Variants in ITIH1 observed in about 807,000 individuals in gnomAD.
ITIH1 encodes the protein inter-alpha-trypsin inhibitor heavy chain 1, also known as inter-alpha-trypsin inhibitor heavy chain H1.
In ITIH1, 94 loss-of-function variants were observed where a neutral mutation model predicts 104.6. The observed-to-expected ratio is 0.90, with a 90% CI of 0.76 to 1.07. The LOEUF is 1.07. ITIH1 is among the 50% of genes least tolerant of loss of function. ITIH1 has a pLI of 0.00. For missense variants in ITIH1, 1,193 were observed against 1,181.4 expected (o/e 1.01, Z -0.14); for synonymous variants, 455 against 464.4 (o/e 0.98, Z 0.26).
At chr3:52,781,089 T>C (rs1699020558) in intron 6 of ITIH1, among the ~76,000 whole-genome samples, 1 of 152,234 alleles carries the variant, frequency 6.6e-6, no homozygotes, top group African/African-American at 2.4e-5. Context: ...TTGCTTTCTG[T>C]GGGGGAACAA....
intron 6 of ITIH1, 36 bp from the exon 7 acceptor site, chr3:52,781,904 C>A: frequency 6.2e-7 from 1 of 1,611,558 alleles, no homozygotes; most frequent in Admixed American, 1.7e-5. Context: ...TGTGGTTACA[C>A]AGACCAGTAA....
At chr3:52,791,740 A>G (rs751581915) in intron 21 of ITIH1, 42 bp from the exon 22 acceptor site, 1 of 1,606,362 alleles carries the variant, frequency 6.2e-7, no homozygotes. Flanking sequence ...GTGCTGCCCT[A>G]CTGGTCCGAA....
At chr3:52,785,919 T>C (rs1699184739) in intron 12 of ITIH1, among the ~76,000 whole-genome samples, 2 of 152,200 alleles carry the variant, frequency 1.3e-5, no homozygotes, top group Admixed American at 6.5e-5. Flanking sequence ...CCCCGGTTAA[T>C]GTAGCTGGAT....
chr3:52,781,201 TTTTTTTTTTCTTC>T (rs1211646134), intron 6 of ITIH1, among the ~76,000 whole-genome samples: 1,168 of 70,148 alleles, frequency 0.017, 49 homozygotes, highest in African/African-American at 0.03. Flanking sequence ...CCTCTTCTTT[TTTTTTTTTTCTTC>T]TTCTTCTTCT....
Position 52,779,822 on chromosome 3 carries a change from G to C in ITIH1, c.573+228G>C. On this transcript the variant is annotated intron_variant, in intron 5 of 21. Coordinates refer to ENST00000273283, the MANE Select transcript of ITIH1 (RefSeq NM_002215.4). The surrounding 1 kb of genome is among the most constrained non-coding windows in gnomAD (Gnocchi z 4.4). The stretch of plus-strand genomic sequence containing the variant: ...CGGTTTGCTCATCTGCTAGACGGGG[G>C]GTTTCTGTGAGTCCCAGGACCGCCA... 1 of 1,202,808 alleles carries C rather than the reference G, an allele frequency of 8.3e-7. No homozygotes were observed. Among genetic ancestry groups the C allele is most frequent in the Non-Finnish European group, 1.1e-6 (1 of 891,054 alleles). The allele number at this position is 1,202,808 out of a possible 1,614,324, so 74.5% of individuals were successfully genotyped here.
Position 52,779,350 on chromosome 3 carries a change from T to C in ITIH1, c.411-82T>C. ...ACACTCATCTAAGAGAAATAAATTC[T>C]GTGGGCCACATGTTAGGTGACAAGG... On this transcript the variant is annotated intron_variant, in intron 4 of 21. Transcript: ENST00000273283. The surrounding 1 kb of genome is among the most constrained non-coding windows in gnomAD (Gnocchi z 4.4). The C allele has an allele frequency of 4.2e-6, 6 of 1,416,148 alleles. No homozygotes were observed. Among genetic ancestry groups the C allele is most frequent in the Non-Finnish European group, 6.0e-6 (6 of 1,002,012 alleles). 87.7% of individuals were successfully genotyped at this position (1,416,148 alleles called of 1,614,324 possible). A position where few individuals can be genotyped will look rare whatever the true frequency, so the allele number is the denominator to read the frequency against.
chr3:52,782,924 CCTGT>C, intron 8 of ITIH1, 29 bp from the exon 9 acceptor site: 1 of 1,610,874 alleles, frequency 6.2e-7, no homozygotes, highest in Non-Finnish European at 8.5e-7. Flanking sequence ...ACCCTGGGGC[CCTGT>C]CTGTCTACTG....
At chr3:52,783,748 A>G (rs983876299) in intron 10 of ITIH1, among the ~76,000 whole-genome samples, 7 of 152,096 alleles carry the variant, frequency 4.6e-5, no homozygotes, top group African/African-American at 1.7e-4. Flanking sequence ...CAGATCCAGG[A>G]GTAGATACTG....
In ITIH1 at chr3:52,785,154, C is replaced by G. The variant is rs746978182; in HGVS notation, c.1518C>G (p.Gly506=). The G allele has an allele frequency of 1.2e-6, 2 of 1,614,152 alleles. No homozygotes were observed. The highest frequency in any genetic ancestry group is 1.7e-6 in the Non-Finnish European group (2 of 1,180,002). The part of the protein sequence containing the change: ...TQNHHKQYYE[G]SEIVVAGRIA... ...ACCACCATAAACAGTACTACGAAGG[C>G]TCAGAGATTGTGGTGGCCGGGCGCA... The change falls in exon 12 of 22, where the codon GGC becomes GGG. Residue 506 remains glycine (G), a synonymous_variant. Coordinates refer to ENST00000273283, the MANE Select transcript of ITIH1 (RefSeq NM_002215.4).
intron 1 of ITIH1, 84 bp downstream of exon 1, chr3:52,777,816 G>A (rs1167234384): frequency 7.2e-7 from 1 of 1,390,234 alleles, no homozygotes; most frequent in Non-Finnish European, 1.0e-6. Context: ...CCATTCAAGG[G>A]GCCAGGGTCA....
Position 52,778,388 on chromosome 3 carries a change from A to G in ITIH1, c.187A>G (p.Thr63Ala), listed in dbSNP as rs1578726973. The G allele has an allele frequency of 6.2e-7, 1 of 1,614,182 alleles. No individual in the cohort carries two copies. Among genetic ancestry groups the G allele is most frequent in the African/African-American group, 1.3e-5 (1 of 75,050 alleles). ...GAGTTTGAAAGTCAACTGCAAAGTCACCTCTCGCTTCGCCCACTATGTTGT... is the reference window on the plus strand; with the variant it reads ...GAGTTTGAAAGTCAACTGCAAAGTCGCCTCTCGCTTCGCCCACTATGTTGT... ...IRSLKVNCKV[T>A]SRFAHYVVTS... Residue 63 changes from threonine (T) to alanine (A), a missense_variant, in exon 3 of 22, where the codon ACC (threonine) becomes GCC (alanine). By Grantham distance (58) the Thr-to-Ala change is moderately conservative. Transcript: ENST00000273283.
chr3:52,790,445 G>A (rs986095956), intron 19 of ITIH1: 7 of 351,178 alleles, frequency 2.0e-5, no homozygotes, highest in African/African-American at 1.3e-4. Context: ...TGGCTCCACT[G>A]CTTACCAGCT....
chr3:52,782,192 C>T lies in ITIH1; in HGVS notation c.855C>T (p.Asn285=), dbSNP rs752783786. 46 of 1,614,176 alleles carry T rather than the reference C, an allele frequency of 2.8e-5. No homozygotes were observed. Among genetic ancestry groups the T allele is most frequent in the Non-Finnish European group, 3.6e-5 (43 of 1,180,040 alleles). The change falls in exon 8 of 22, where the codon AAC becomes AAT. Residue 285 remains asparagine (N), a synonymous_variant. Coordinates refer to ENST00000273283, the MANE Select transcript of ITIH1 (RefSeq NM_002215.4). ...TTGCCCACTTCTTTGCCCCCCAAAA[C>T]CTGACAAACATGAACAAGAACGTGG... is the stretch of plus-strand genomic sequence containing the variant. ...NHFAHFFAPQ[N]LTNMNKNVVF...
Position 52,779,736 on chromosome 3 carries a change from T to C in ITIH1, c.573+142T>C. On this transcript the variant is annotated intron_variant, in intron 5 of 21. Transcript: ENST00000273283. This position sits in a 1 kb window ranked among gnomAD's most constrained non-coding sequence, Gnocchi z 4.4. ...ACTAACCCCTCAGGGTGAGCTCTGATGTGCTCTTCTTGGGCAGGGAACTCC... is the reference window on the plus strand; with the variant it reads ...ACTAACCCCTCAGGGTGAGCTCTGACGTGCTCTTCTTGGGCAGGGAACTCC... 9.0e-7 allele frequency: 1 copy of C among 1,109,282 alleles called. No homozygotes were observed. Among genetic ancestry groups the C allele is most frequent in the Non-Finnish European group, 1.3e-6 (1 of 746,248 alleles). 68.7% of individuals were successfully genotyped at this position (1,109,282 alleles called of 1,614,324 possible).
chr3:52,779,115 C>A lies in ITIH1; in HGVS notation c.410+69C>A. On this transcript the variant is annotated intron_variant, in intron 4 of 21. Transcript: ENST00000273283. The surrounding 1 kb of genome is among the most constrained non-coding windows in gnomAD (Gnocchi z 4.4). ...CCAGCCAGGACAGGTCTGATGGCTG[C>A]AAGGTGGCTTTAGTGGAGAACAGCC... 2 of 1,143,184 alleles carry A rather than the reference C, an allele frequency of 1.7e-6. No individual in the cohort carries two copies. The highest frequency in any genetic ancestry group is 2.7e-6 in the Non-Finnish European group (2 of 752,618). 70.8% of individuals were successfully genotyped at this position (1,143,184 alleles called of 1,614,324 possible).
rs539756368 is a variant in ITIH1 at position 52,785,951 on chromosome 3, C to T, written c.1594-344C>T. 5.3e-5 allele frequency among the ~76,000 whole-genome samples: 8 copies of T among 152,278 alleles called. No individual in the cohort carries two copies. In the East Asian group the frequency reaches 7.7e-4, roughly 15 times the overall value. ...GGATGGAGGAGGCACATTTGTGTGCCGTGGCAAGTTGAATGGTGCAGCCCA... is the reference window on the plus strand; with the variant it reads ...GGATGGAGGAGGCACATTTGTGTGCTGTGGCAAGTTGAATGGTGCAGCCCA... On this transcript the variant is annotated intron_variant, in intron 12 of 21. Coordinates refer to ENST00000273283, the MANE Select transcript of ITIH1 (RefSeq NM_002215.4).
chr3:52,778,312 G>T, intron 2 of ITIH1, 28 bp from the exon 3 acceptor site: 1 of 1,611,832 alleles, frequency 6.2e-7, no homozygotes, highest in Non-Finnish European at 8.5e-7. Context: ...CCTGTCTCAG[G>T]CCACAGCTCC....
intron 6 of ITIH1, among the ~76,000 whole-genome samples, chr3:52,781,392 T>G (rs779245256): frequency 6.6e-6 from 1 of 151,954 alleles, no homozygotes; most frequent in Non-Finnish European, 1.5e-5. Context: ...TTGCTTCTGC[T>G]TCTTTTTGAT....
Position 52,789,705 on chromosome 3 carries a change from G to C in ITIH1, c.2172G>C (p.Gln724His). ...LIGNKARSPG[Q>H]HDGTYFGRLG... ...GCAACAAGGCCAGGAGCCCTGGGCA[G>C]CATGACGGCACGTACTTCGGGCGGC... Residue 724 changes from glutamine (Q) to histidine (H), a missense_variant, in exon 19 of 22, where the codon CAG becomes CAC. Physicochemically the swap from Gln to His is conservative, Grantham distance 24 (BLOSUM62 0). Coordinates refer to ENST00000273283, the MANE Select transcript of ITIH1 (RefSeq NM_002215.4). 6.2e-7 allele frequency: 1 copy of C among 1,614,226 alleles called. No homozygotes were observed. Among genetic ancestry groups the C allele is most frequent in the Non-Finnish European group, 8.5e-7 (1 of 1,180,032 alleles).
Sources: allele counts gnomAD v4.1 joint callset (sites outside exome capture counted in the v4.1 genomes callset), GRCh38; gene constraint gnomAD v4.1.1; non-coding constraint Gnocchi (gnomAD v3.1); transcripts MANE v1.5; gene names NCBI Gene and HGNC (gene_info 2026-07-23, HGNC 2026-07-21).